PRIM2: variants seen among roughly 807,000 people sequenced by gnomAD.
PRIM2 encodes DNA primase subunit 2, also known as DNA primase large subunit.
Under a neutral mutation model 67.3 loss-of-function variants are expected in PRIM2, and 39 were observed. That is an observed-to-expected ratio of 0.58 (90% CI 0.45 to 0.76). The LOEUF (loss-of-function observed/expected upper bound fraction) is 0.76. Among genes scored for constraint, PRIM2 ranks in the 30% least tolerant of loss-of-function variants. PRIM2 has a pLI of 0.00. For synonymous variants in PRIM2, 143 were observed against 198.7 expected, an observed-to-expected ratio of 0.72 and a Z score of 2.36; for missense variants, 398 against 598.7, an observed-to-expected ratio of 0.66 and a Z score of 3.50.
chr6:57,385,936 C>CT (rs201876520), intron 7 of PRIM2, among the ~76,000 whole-genome samples: 25,909 of 141,056 alleles, frequency 0.18, 2,179 homozygotes, highest in African/African-American at 0.21. Flanking sequence ...CTTTTGTTTT[C>CT]TTTTTTTTTT....
chr6:57,644,181 C>T (rs1327412930), intron 13 of PRIM2, among the ~76,000 whole-genome samples: 29 of 152,296 alleles, frequency 1.9e-4, no homozygotes, highest in African/African-American at 7.0e-4. Context: ...TTTCCAACCT[C>T]ATTCCTTATT....
intron 7 of PRIM2, among the ~76,000 whole-genome samples, chr6:57,452,363 A>G (rs1772585367): frequency 6.6e-6 from 1 of 152,150 alleles, no homozygotes; most frequent in East Asian, 1.9e-4. Flanking sequence ...CACCACACTG[A>G]CTTCCACAAT....
chr6:57,398,241 AGCCACCAC>A (rs1770591168), intron 7 of PRIM2, among the ~76,000 whole-genome samples: 1 of 152,064 alleles, frequency 6.6e-6, no homozygotes, highest in South Asian at 2.1e-4. Context: ...TACAGACATG[AGCCACCAC>A]GCCTGGCCAA....
chr6:57,419,385 C>T (rs1771387506), intron 7 of PRIM2, among the ~76,000 whole-genome samples: 1 of 152,100 alleles, frequency 6.6e-6, no homozygotes, highest in Non-Finnish European at 1.5e-5. Context: ...GTATGTGATA[C>T]AGTGACAAAA....
the PRIM2 span, among the ~76,000 whole-genome samples, chr6:57,224,603 T>G: frequency 6.6e-6 from 1 of 152,186 alleles, no homozygotes; most frequent in Non-Finnish European, 1.5e-5. Context: ...ATTTTATGTT[T>G]TATGTATATC....
chr6:57,446,252 T>G (rs1772358354), intron 7 of PRIM2, among the ~76,000 whole-genome samples: 1 of 151,668 alleles, frequency 6.6e-6, no homozygotes, highest in Non-Finnish European at 1.5e-5. Flanking sequence ...GTCTTAAGCC[T>G]TTTCCTACCT....
chr6:57,611,792 CA>C (rs1174875601), intron 12 of PRIM2, among the ~76,000 whole-genome samples: 9 of 152,000 alleles, frequency 5.9e-5, no homozygotes, highest in African/African-American at 9.7e-5. Context: ...CTGCAAAAGA[CA>C]GCTTTAAGAG....
intron 12 of PRIM2, among the ~76,000 whole-genome samples, chr6:57,620,576 G>C (rs1451258996): frequency 6.6e-6 from 1 of 152,136 alleles, no homozygotes; most frequent in Non-Finnish European, 1.5e-5. Context: ...TCTAAATCTT[G>C]AAACAAATCC....
At chr6:57,592,034 T>G (rs1318511062) in intron 10 of PRIM2, among the ~76,000 whole-genome samples, 48,385 of 151,914 alleles carry the variant, frequency 0.32, 7,661 homozygotes, top group East Asian at 0.44. Flanking sequence ...TGGATGCAGC[T>G]GGAGGTCATT....
chr6:57,407,609 T>G (rs1457347738), intron 7 of PRIM2, among the ~76,000 whole-genome samples: 3 of 152,242 alleles, frequency 2.0e-5, no homozygotes, highest in Admixed American at 6.5e-5. Flanking sequence ...ACGTATCATT[T>G]GCATATTGCG....
chr6:57,575,841 C>T lies in PRIM2; in HGVS notation c.1021-25252C>T, dbSNP rs1310566085. On this transcript the variant is annotated intron_variant, in intron 10 of 13. Coordinates refer to ENST00000615550, the MANE Select transcript of PRIM2 (RefSeq NM_000947.5). The stretch of plus-strand genomic sequence containing the variant: ...TTGCCCAGGCTGTAGTGCAGTTGTG[C>T]GACCTAGACTCACTGCAACCTCCAC... Among the ~76,000 whole-genome samples, 144 of 152,120 alleles carry T rather than the reference C, an allele frequency of 9.5e-4. 1 individual carries two copies. Among genetic ancestry groups the T allele is most frequent in the Non-Finnish European group, 1.8e-3 (125 of 68,016 alleles).
chr6:57,634,977 C>T (rs1777094921), intron 13 of PRIM2, among the ~76,000 whole-genome samples: 1 of 152,030 alleles, frequency 6.6e-6, no homozygotes, highest in African/African-American at 2.4e-5. Context: ...TATATTTTTT[C>T]TAATTTAATT....
the PRIM2 span, among the ~76,000 whole-genome samples, chr6:57,270,859 G>C: frequency 2.0e-4 from 30 of 152,158 alleles, 1 homozygote; most frequent in Admixed American, 4.6e-4. Context: ...TTTTATCAAA[G>C]GCCTTTTCTG....
intron 7 of PRIM2, among the ~76,000 whole-genome samples, chr6:57,399,810 CA>C (rs1770645034): frequency 6.6e-6 from 1 of 152,028 alleles, no homozygotes; most frequent in African/African-American, 2.4e-5. Flanking sequence ...AGCATTTTTT[CA>C]TGTGTCTTTT....
chr6:57,370,858 C>A (rs2191661), intron 5 of PRIM2, among the ~76,000 whole-genome samples: 2 of 151,878 alleles, frequency 1.3e-5, no homozygotes, highest in Non-Finnish European at 2.9e-5. Flanking sequence ...CCACCATGCC[C>A]GGCTAATTTT....
chr6:57,240,741 T>G, the PRIM2 span, among the ~76,000 whole-genome samples: 1 of 152,120 alleles, frequency 6.6e-6, no homozygotes, highest in East Asian at 1.9e-4. Context: ...AAGACTTACA[T>G]TTCTAGAATA....
the PRIM2 span, among the ~76,000 whole-genome samples, chr6:57,270,145 T>C: frequency 6.6e-6 from 1 of 152,056 alleles, no homozygotes; most frequent in Admixed American, 6.6e-5. Flanking sequence ...AACTTTAAAG[T>C]AGTTTTTTCC....
Position 57,324,298 on chromosome 6 carries a change from T to G in PRIM2, c.338+18T>G. The G allele has an allele frequency of 6.8e-7, 1 of 1,481,304 alleles. No homozygotes were observed. The highest frequency in any genetic ancestry group is 1.2e-5 in the South Asian group (1 of 85,262). The allele number at this position is 1,481,304 out of a possible 1,614,324, so 91.8% of individuals were successfully genotyped here. A position where few individuals can be genotyped will look rare whatever the true frequency, so the allele number is the denominator to read the frequency against. ...TGCCAGTCGTAAGTATATGTTTATA[T>G]TCTCACAGTCAAATCTGGTGTCATG... is the stretch of plus-strand genomic sequence containing the variant. On this transcript the variant is annotated intron_variant, in intron 4 of 13. Coordinates refer to ENST00000615550, the MANE Select transcript of PRIM2 (RefSeq NM_000947.5).
chr6:57,412,850 T>C (rs1380979398), intron 7 of PRIM2, among the ~76,000 whole-genome samples: 2 of 152,122 alleles, frequency 1.3e-5, no homozygotes, highest in Non-Finnish European at 2.9e-5. Context: ...CTGTATGCCA[T>C]GAAGAAAGAG....
Sources: gnomAD v4.1 joint callset for allele counts (sites outside exome capture counted in the v4.1 genomes callset) on GRCh38, gnomAD v4.1.1 for gene constraint, MANE v1.5 for transcripts, NCBI Gene and HGNC (gene_info 2026-07-23, HGNC 2026-07-21) for gene names.